RFLNA: variants seen among roughly 807,000 people sequenced by gnomAD.
RFLNA encodes refilin-A.
Under a neutral mutation model 7.8 loss-of-function variants are expected in RFLNA, and 5 were observed. The observed-to-expected ratio is 0.64, with a 90% CI of 0.34 to 1.35. RFLNA has a LOEUF of 1.35. Ranked by LOEUF, RFLNA falls within the 40% of genes most tolerant of loss-of-function variation. The pLI is 0.04. For missense variants in RFLNA, 278 were observed against 305.5 expected, an observed-to-expected ratio of 0.91 and a Z score of 0.67; for synonymous variants, 141 against 131.3, an observed-to-expected ratio of 1.07 and a Z score of -0.50.
At chr12:124,311,688 G>C in intron 1 of RFLNA, 130 bp from the exon 2 acceptor site, 1 of 850,352 alleles carries the variant, frequency 1.2e-6, no homozygotes, top group Non-Finnish European at 1.7e-6. Flanking sequence ...GCTTCCTGAT[G>C]GGCCCCACCA....
At chr12:124,297,173 C>T (rs1459438548) in intron 1 of RFLNA, among the ~76,000 whole-genome samples, 3 of 152,156 alleles carry the variant, frequency 2.0e-5, no homozygotes, top group Non-Finnish European at 2.9e-5. Flanking sequence ...TTGGTTCCTT[C>T]CATGACCCAG....
At chr12:124,299,114 C>A (rs1428178760) in intron 1 of RFLNA, among the ~76,000 whole-genome samples, 1 of 152,240 alleles carries the variant, frequency 6.6e-6, no homozygotes, top group African/African-American at 2.4e-5. Flanking sequence ...TTTTAAAAAG[C>A]CATCATGAGC....
intron 1 of RFLNA, among the ~76,000 whole-genome samples, chr12:124,296,072 T>TTTTCTTTCTTTCTTTCTTTTTCTTTC (rs2033905076): frequency 1.1e-5 from 1 of 94,722 alleles, no homozygotes; most frequent in African/African-American, 4.9e-5. Context: ...TGTGAAAGCC[T>TTTTCTTTCTTTCTTTCTTTTTCTTTC]TTTCTTTCTT....
chr12:124,289,799 G>A lies in RFLNA; in HGVS notation c.-37+429G>A, dbSNP rs1450270451. ...AAGGGCACTGCGGAAAAGTCCCTCGGGTGAGACAGGCCACCGGGGAACATG... is the reference window on the plus strand; with the variant it reads ...AAGGGCACTGCGGAAAAGTCCCTCGAGTGAGACAGGCCACCGGGGAACATG... On this transcript the variant is annotated intron_variant, in intron 1 of 2. Coordinates refer to the RFLNA transcript ENST00000324038. This position sits in a 1 kb window ranked among gnomAD's most constrained non-coding sequence, Gnocchi z 5.0. Among the ~76,000 whole-genome samples, 1 of 152,116 alleles carries A rather than the reference G, an allele frequency of 6.6e-6. No homozygotes were observed. The highest frequency in any genetic ancestry group is 2.4e-5 in the African/African-American group (1 of 41,420).
At chr12:124,307,812 C>T (rs1314947340) in intron 1 of RFLNA, among the ~76,000 whole-genome samples, 3 of 152,106 alleles carry the variant, frequency 2.0e-5, no homozygotes, top group Non-Finnish European at 4.4e-5. Context: ...CGCACAGTTC[C>T]GGAGGCCAGA....
In RFLNA at chr12:124,308,433, G is replaced by GC. The variant is rs1322225310; in HGVS notation, c.208-3385_208-3384insC. On this transcript the variant is annotated intron_variant, in intron 1 of 2. Coordinates refer to ENST00000546355, the MANE Select transcript of RFLNA (RefSeq NM_001365156.1). ...AGGGTCTGCGTGGACATGGGCTTTGGGGGGGGACCCTGTTCTACCCACACT... is the reference window on the plus strand; with the variant it reads ...AGGGTCTGCGTGGACATGGGCTTTGGCGGGGGGACCCTGTTCTACCCACACT... Among the ~76,000 whole-genome samples, 13 of 152,168 alleles carry GC rather than the reference G, an allele frequency of 8.5e-5. No individual in the cohort carries two copies. The South Asian group carries it at 2.7e-3, about 32-fold the overall frequency.
At chr12:124,290,765 TG>T (rs2033812225), upstream of RFLNA, among the ~76,000 whole-genome samples, 1 of 152,228 alleles carries the variant, frequency 6.6e-6, no homozygotes, top group Admixed American at 6.5e-5. This position sits in a 1 kb window ranked among gnomAD's most constrained non-coding sequence, Gnocchi z 4.0. Context: ...CTGGCGTGCC[TG>T]GAAGCATACC....
rs1041216740 is a variant in RFLNA, at chr12:124,306,093, T to C, written c.208-5725T>C. On this transcript the variant is annotated intron_variant, in intron 1 of 2. Transcript: ENST00000546355. The surrounding 1 kb of genome is among the most constrained non-coding windows in gnomAD (Gnocchi z 5.2). ...CTTGAGGACAGGTATGGGCCCATAC[T>C]CGGGGCTCTCTGGGTTGGGGCAGGG... Among the ~76,000 whole-genome samples the C allele has an allele frequency of 2.6e-5, 4 of 152,064 alleles. No individual in the cohort carries two copies. Among genetic ancestry groups the C allele is most frequent in the African/African-American group, 4.8e-5 (2 of 41,410 alleles).
In RFLNA at chr12:124,295,447, T is replaced by C; in HGVS notation, c.18T>C (p.His6=). 2 of 1,233,362 alleles carry C rather than the reference T, an allele frequency of 1.6e-6. No individual in the cohort carries two copies. Among genetic ancestry groups the C allele is most frequent in the Non-Finnish European group, 2.0e-6 (2 of 989,840 alleles). 76.4% of individuals were successfully genotyped at this position (1,233,362 alleles called of 1,614,324 possible). ...CCCCAGACATGGTGGGCCACCTGCA[T>C]CTGCAGGGCATGGAGGACAGCCTGA... MVGHL[H]LQGMEDSLKE... The change falls in exon 1 of 3, where the codon CAT becomes CAC. Residue 6 remains histidine, a synonymous_variant. Transcript: ENST00000546355.
upstream of RFLNA, among the ~76,000 whole-genome samples, chr12:124,293,925 G>A (rs544812680): frequency 6.6e-6 from 1 of 152,316 alleles, no homozygotes; most frequent in Admixed American, 6.5e-5. Context: ...AAAGCCTTAA[G>A]TTGTCCCTTT....
At position 124,289,825 on chromosome 12, in the gene RFLNA, C is replaced by G. The variant is rs886731375; in HGVS notation, c.-37+455C>G. Among the ~76,000 whole-genome samples, 2 of 152,294 alleles carry G rather than the reference C, an allele frequency of 1.3e-5. No individual in the cohort carries two copies. Among genetic ancestry groups the G allele is most frequent in the African/African-American group, 2.4e-5 (1 of 41,536 alleles). On this transcript the variant is annotated intron_variant, in intron 1 of 2. Coordinates refer to the RFLNA transcript ENST00000324038. This position sits in a 1 kb window ranked among gnomAD's most constrained non-coding sequence, Gnocchi z 5.0. ...GTGAGACAGGCCACCGGGGAACATG[C>G]GACTCCCCGGGGCAGGGAGGCATCC... is the stretch of plus-strand genomic sequence containing the variant.
At chr12:124,310,768 G>A (rs1452677823) in intron 1 of RFLNA, among the ~76,000 whole-genome samples, 1 of 152,194 alleles carries the variant, frequency 6.6e-6, no homozygotes, top group Non-Finnish European at 1.5e-5. Flanking sequence ...GCTGTGGGGT[G>A]GATTTGGGAG....
At chr12:124,307,474 G>A (rs547672731) in intron 1 of RFLNA, among the ~76,000 whole-genome samples, 1 of 152,350 alleles carries the variant, frequency 6.6e-6, no homozygotes, top group South Asian at 2.1e-4. Context: ...GTGTGATGGG[G>A]CCAGGCTGGT....
At chr12:124,311,233 G>C (rs1266407599) in intron 1 of RFLNA, among the ~76,000 whole-genome samples, 1 of 152,184 alleles carries the variant, frequency 6.6e-6, no homozygotes, top group East Asian at 1.9e-4. Context: ...TAGAAGATGT[G>C]GATGCTGGGT....
intron 1 of RFLNA, among the ~76,000 whole-genome samples, chr12:124,301,347 A>G (rs1267436970): frequency 6.6e-6 from 1 of 152,244 alleles, no homozygotes; most frequent in African/African-American, 2.4e-5. Context: ...TGTGAAAAGA[A>G]GACAAATAGG....
intron 1 of RFLNA, among the ~76,000 whole-genome samples, chr12:124,300,869 T>C (rs2034023263): frequency 6.7e-6 from 1 of 148,262 alleles, no homozygotes. Context: ...GATGGATGGA[T>C]GGATGAATAG....
At chr12:124,296,126 C>CTT (rs1566320083) in intron 1 of RFLNA, among the ~76,000 whole-genome samples, 4 of 1,516 alleles carry the variant, frequency 2.6e-3, no homozygotes, top group African/African-American at 4.4e-3. Context: ...CTTTCTTTCT[C>CTT]TCTCTCTCTC....
Position 124,314,336 on chromosome 12 carries a change from C to G in RFLNA, c.462C>G (p.Thr154=). The stretch of plus-strand genomic sequence containing the variant: ...GGCGCAACTACCGCAGCCAGCTGAC[C>G]CTGGAGCCACGCCCGCGCGCCCTGC... ...CTWRNYRSQL[T]LEPRPRALRF... The change falls in exon 3 of 3, where the codon ACC becomes ACG. Residue 154 remains threonine, a synonymous_variant. Coordinates refer to ENST00000546355, the MANE Select transcript of RFLNA (RefSeq NM_001365156.1). 6.2e-7 allele frequency: 1 copy of G among 1,613,484 alleles called. No homozygotes were observed. Among genetic ancestry groups the G allele is most frequent in the African/African-American group, 1.3e-5 (1 of 75,074 alleles).
Position 124,295,516 on chromosome 12 carries a change from G to C in RFLNA, c.87G>C (p.Gly29=). Residue 29 remains glycine, a synonymous_variant, in exon 1 of 3, where the codon GGG becomes GGC. Coordinates refer to ENST00000546355, the MANE Select transcript of RFLNA (RefSeq NM_001365156.1). ...REGLLDSPDS[G]LPPSPSPSPP... ...GCTTGCTGGACAGCCCCGACTCCGG[G>C]CTGCCCCCCAGCCCCAGCCCCAGCC... 2.4e-6 allele frequency: 3 copies of C among 1,273,060 alleles called. No homozygotes were observed. Among genetic ancestry groups the C allele is most frequent in the Non-Finnish European group, 3.0e-6 (3 of 1,012,064 alleles). 78.9% of individuals were successfully genotyped at this position (1,273,060 alleles called of 1,614,324 possible).
Sources: allele counts gnomAD v4.1 joint callset (sites outside exome capture counted in the v4.1 genomes callset), GRCh38; gene constraint gnomAD v4.1.1; non-coding constraint Gnocchi (gnomAD v3.1); transcripts MANE v1.5; gene names NCBI Gene and HGNC (gene_info 2026-07-23, HGNC 2026-07-21).